CNKSR3: variants seen among roughly 807,000 people sequenced by gnomAD.
CNKSR3 encodes the protein CNKSR family member 3.
A neutral mutation model predicts 67.7 loss-of-function variants in CNKSR3; 36 were observed. The observed-to-expected ratio is 0.53, with a 90% CI of 0.41 to 0.70. The LOEUF is 0.70. Ranked by LOEUF, CNKSR3 falls within the 30% of genes least tolerant of loss-of-function variation. The probability of loss-of-function intolerance (pLI) is 0.00; values close to 1 mark genes in which losing one functional copy is unlikely to be tolerated. For synonymous variants in CNKSR3, 281 were observed against 271.4 expected, an observed-to-expected ratio of 1.04 and a Z score of -0.35; for missense variants, 630 against 695.2, an observed-to-expected ratio of 0.91 and a Z score of 1.05.
At chr6:154,464,359 C>T (rs1232520640) in intron 1 of CNKSR3, among the ~76,000 whole-genome samples, 1 of 152,168 alleles carries the variant, frequency 6.6e-6, no homozygotes, top group Non-Finnish European at 1.5e-5. Context: ...AAAAATTCTA[C>T]TCTCGGAAAC....
In CNKSR3 at chr6:154,403,200, G is replaced by A. The variant is rs1784735494; in HGVS notation, c.*3154C>T. The A allele has an allele frequency of 6.6e-6, 1 of 152,074 alleles. No individual in the cohort carries two copies. Among genetic ancestry groups the A allele is most frequent in the African/African-American group, 2.4e-5 (1 of 41,390 alleles). The allele number at this position is 152,074 out of a possible 1,614,324, so 9.4% of individuals were successfully genotyped here. A position where few individuals can be genotyped will look rare whatever the true frequency, so the allele number is the denominator to read the frequency against. Reference sequence around the variant, plus strand: ...CACTCTTGTAAAGTATCCTGTCAAGGAGTTCAAGATCAGCCTGGCCAACAT... The same window carrying A: ...CACTCTTGTAAAGTATCCTGTCAAGAAGTTCAAGATCAGCCTGGCCAACAT... On this transcript the variant is annotated 3_prime_UTR_variant, in exon 13 of 13. Coordinates refer to ENST00000607772, the MANE Select transcript of CNKSR3 (RefSeq NM_173515.4).
intron 1 of CNKSR3, among the ~76,000 whole-genome samples, chr6:154,494,692 TCCACCCTCTG>T (rs1444934773): frequency 3.3e-5 from 5 of 152,082 alleles, no homozygotes; most frequent in Non-Finnish European, 5.9e-5. Context: ...AGGCCACCCT[TCCACCCTCTG>T]CCACCCTCTT....
rs1337644758 is a variant in CNKSR3 at position 154,399,144 on chromosome 6, A to G, written c.*7210T>C. 6.6e-6 allele frequency: 1 copy of G among 152,022 alleles called. No homozygotes were observed. The allele number at this position is 152,022 out of a possible 1,614,324, so 9.4% of individuals were successfully genotyped here. ...TCATTTCTTGAGTTCTGAATCGGCT[A>G]AAACATCCGAGTGAGTTTTCTAACA... is the stretch of plus-strand genomic sequence containing the variant. On this transcript the variant is annotated 3_prime_UTR_variant, in exon 13 of 13. Transcript: ENST00000607772.
chr6:154,477,522 T>C (rs1471015273), intron 1 of CNKSR3, among the ~76,000 whole-genome samples: 3 of 151,786 alleles, frequency 2.0e-5, no homozygotes, highest in Non-Finnish European at 2.9e-5. Flanking sequence ...GGTTTCACCA[T>C]ATTGGTCAGG....
chr6:154,509,969 G>T, intron 1 of CNKSR3, 94 bp downstream of exon 1: 7 of 1,398,560 alleles, frequency 5.0e-6, no homozygotes, highest in Non-Finnish European at 7.1e-6. Context: ...ACCGCTTCTC[G>T]CCGGGAGGAA....
intron 1 of CNKSR3, among the ~76,000 whole-genome samples, chr6:154,508,467 A>T (rs2114667369): frequency 6.6e-6 from 1 of 152,342 alleles, no homozygotes; most frequent in Admixed American, 6.5e-5. Flanking sequence ...AGTCAACAGT[A>T]GCTGAAATTT....
intron 1 of CNKSR3, among the ~76,000 whole-genome samples, chr6:154,485,845 T>G (rs1311077453): frequency 1.3e-5 from 2 of 152,206 alleles, no homozygotes. Flanking sequence ...CCAACAGTGC[T>G]TATAGGAGCA....
intron 11 of CNKSR3, 72 bp from the exon 12 acceptor site, chr6:154,410,504 T>C (rs1358914140): frequency 4.0e-6 from 4 of 1,009,826 alleles, no homozygotes; most frequent in Admixed American, 3.6e-5. Context: ...TCCCTTTATG[T>C]ATAACTTAGA....
chr6:154,417,410 G>C (rs958500796), intron 9 of CNKSR3, among the ~76,000 whole-genome samples: 2 of 152,188 alleles, frequency 1.3e-5, no homozygotes, highest in African/African-American at 4.8e-5. Flanking sequence ...GAGGCCTTCT[G>C]ATGTGCTTCC....
intron 9 of CNKSR3, among the ~76,000 whole-genome samples, chr6:154,420,216 T>C (rs1303118119): frequency 8.3e-6 from 1 of 121,106 alleles, no homozygotes; most frequent in Non-Finnish European, 1.7e-5. Flanking sequence ...CTCACTTATA[T>C]GTGGAATCTA....
intron 1 of CNKSR3, among the ~76,000 whole-genome samples, chr6:154,456,426 G>A (rs1464050033): frequency 1.3e-5 from 2 of 151,354 alleles, no homozygotes; most frequent in South Asian, 2.1e-4. Flanking sequence ...TGCCAGGCGC[G>A]GTGGCTCACG....
At chr6:154,471,942 TC>T (rs1470959407) in intron 1 of CNKSR3, among the ~76,000 whole-genome samples, 1 of 152,220 alleles carries the variant, frequency 6.6e-6, no homozygotes, top group Non-Finnish European at 1.5e-5. Context: ...TGTCCCTACT[TC>T]ATGGTAACAA....
intron 1 of CNKSR3, among the ~76,000 whole-genome samples, chr6:154,468,433 C>CACACACACACACACA (rs1554236177): frequency 6.9e-6 from 1 of 145,418 alleles, no homozygotes; most frequent in African/African-American, 2.5e-5. Flanking sequence ...CACACACACA[C>CACACACACACACACA]CATGACCATC....
intron 7 of CNKSR3, among the ~76,000 whole-genome samples, chr6:154,424,591 A>T (rs952885021): frequency 6.6e-6 from 1 of 152,236 alleles, no homozygotes; most frequent in Non-Finnish European, 1.5e-5. Context: ...TCAACGGGAA[A>T]TTAACAAGCA....
intron 12 of CNKSR3, among the ~76,000 whole-genome samples, chr6:154,407,891 A>AAAC (rs1784834831): frequency 6.6e-6 from 1 of 151,078 alleles, no homozygotes; most frequent in Non-Finnish European, 1.5e-5. Context: ...AAAAAAAAAA[A>AAAC]AAAACCTAAA....
chr6:154,493,171 T>C (rs147060977), intron 1 of CNKSR3, among the ~76,000 whole-genome samples: 2 of 152,250 alleles, frequency 1.3e-5, no homozygotes, highest in East Asian at 3.9e-4. Context: ...ACACTGACCG[T>C]CTCAGGACAC....
intron 7 of CNKSR3, 24 bp downstream of exon 7, chr6:154,428,104 T>C (rs1157103032): frequency 6.6e-7 from 1 of 1,506,032 alleles, no homozygotes. Flanking sequence ...CAACAGATTT[T>C]ACACTTAATG....
intron 1 of CNKSR3, among the ~76,000 whole-genome samples, chr6:154,496,827 T>C (rs1030787427): frequency 6.6e-6 from 1 of 152,232 alleles, no homozygotes; most frequent in Non-Finnish European, 1.5e-5. Flanking sequence ...ATGCTAATGA[T>C]GTAAATGTTT....
At position 154,400,568 on chromosome 6, in the gene CNKSR3, C is replaced by A. The variant is rs1483675235; in HGVS notation, c.*5786G>T. ...TTTTTGTTGCTTATAGACAAAATTT[C>A]TCTCCTCTATCCAAATCAGTAGGCC... is the stretch of plus-strand genomic sequence containing the variant. On this transcript the variant is annotated 3_prime_UTR_variant, in exon 13 of 13. Coordinates refer to ENST00000607772, the MANE Select transcript of CNKSR3 (RefSeq NM_173515.4). The A allele has an allele frequency of 1.3e-5, 2 of 152,176 alleles. No homozygotes were observed. The highest frequency in any genetic ancestry group is 1.3e-4 in the Admixed American group (2 of 15,278). The allele number at this position is 152,176 out of a possible 1,614,324, so 9.4% of individuals were successfully genotyped here. A position where few individuals can be genotyped will look rare whatever the true frequency, so the allele number is the denominator to read the frequency against.
Sources: allele counts gnomAD v4.1 joint callset (sites outside exome capture counted in the v4.1 genomes callset), GRCh38; gene constraint gnomAD v4.1.1; transcripts MANE v1.5; gene names NCBI Gene and HGNC (gene_info 2026-07-23, HGNC 2026-07-21).